The following CCDC90B variants were observed in gnomAD, a reference collection of about 807,000 sequenced individuals.
CCDC90B encodes the protein coiled-coil domain containing 90B, also known as coiled-coil domain-containing protein 90B, mitochondrial.
Under a neutral mutation model 37.0 loss-of-function variants are expected in CCDC90B, and 24 were observed. The ratio of observed to expected loss-of-function variants is 0.65; its 90% CI spans 0.47 to 0.91. The LOEUF (loss-of-function observed/expected upper bound fraction) is 0.91. CCDC90B is among the 40% of genes least tolerant of loss of function. The probability of loss-of-function intolerance (pLI) is 0.00; values close to 1 mark genes in which losing one functional copy is unlikely to be tolerated. For missense variants in CCDC90B, 319 were observed against 299.0 expected (o/e 1.07, Z -0.49); for synonymous variants, 113 against 101.1 (o/e 1.12, Z -0.71).
rs1178262559 is a variant in CCDC90B, at chr11:83,259,489, G to A, written c.*2422C>T. On this transcript the variant is annotated 3_prime_UTR_variant, in exon 9 of 9. Transcript: ENST00000529689. Reference sequence around the variant, plus strand: ...AACGCAGATCTATTTAATATTTAGTGGCTGTATAACCTGGGAATAAGTATA... The same window carrying A: ...AACGCAGATCTATTTAATATTTAGTAGCTGTATAACCTGGGAATAAGTATA... The A allele has an allele frequency of 6.6e-6, 1 of 152,158 alleles. No homozygotes were observed. Among genetic ancestry groups the A allele is most frequent in the African/African-American group, 2.4e-5 (1 of 41,426 alleles). 9.4% of individuals were successfully genotyped at this position (152,158 alleles called of 1,614,324 possible).
At chr11:83,274,513 A>T in intron 4 of CCDC90B, 126 bp downstream of exon 4, 1 of 551,686 alleles carries the variant, frequency 1.8e-6, no homozygotes, top group East Asian at 3.1e-5. Flanking sequence ...TATGTTTTTA[A>T]ATCTAAAAAC....
rs1341810725 is a variant in CCDC90B, at chr11:83,261,483, G to C, written c.*428C>G. 3 of 152,728 alleles carry C rather than the reference G, an allele frequency of 2.0e-5. No homozygotes were observed. The highest frequency in any genetic ancestry group is 7.2e-5 in the African/African-American group (3 of 41,450). 9.5% of individuals were successfully genotyped at this position (152,728 alleles called of 1,614,324 possible). ...TGTTGTAATAATCTTTCATTTTATA[G>C]AAAAATGTAATTATGCAATGGTTAT... On this transcript the variant is annotated 3_prime_UTR_variant, in exon 9 of 9. Transcript: ENST00000529689.
rs1210443210 is a variant in CCDC90B, at chr11:83,286,367, T to C, written c.-395A>G. 1.6e-6 allele frequency: 1 copy of C among 631,328 alleles called. No homozygotes were observed. Among genetic ancestry groups the C allele is most frequent in the East Asian group, 2.8e-5 (1 of 35,976 alleles). The allele number at this position is 631,328 out of a possible 1,614,324, so 39.1% of individuals were successfully genotyped here. A position where few individuals can be genotyped will look rare whatever the true frequency, so the allele number is the denominator to read the frequency against. The stretch of plus-strand genomic sequence containing the variant: ...GGGTCGGGGGAGATGGAGTCGCATT[T>C]AGCCGCACAGCAGCCTGGAACCTGA... On this transcript the variant is annotated 5_prime_UTR_variant, in exon 1 of 9. Transcript: ENST00000529689.
chr11:83,266,515 C>A (rs1364914547), intron 7 of CCDC90B, among the ~76,000 whole-genome samples: 2 of 152,244 alleles, frequency 1.3e-5, no homozygotes, highest in African/African-American at 4.8e-5. Flanking sequence ...GCACAGCAGT[C>A]TGAAATCGAA....
At chr11:83,269,413 C>G (rs942989704) in intron 7 of CCDC90B, among the ~76,000 whole-genome samples, 1 of 151,540 alleles carries the variant, frequency 6.6e-6, no homozygotes, top group African/African-American at 2.4e-5. Context: ...GACCACTAGC[C>G]AGACTAATAA....
At chr11:83,280,359 C>T (rs531256211) in intron 1 of CCDC90B, 99 bp from the exon 2 acceptor site, 1 of 1,066,978 alleles carries the variant, frequency 9.4e-7, no homozygotes, top group East Asian at 2.4e-5. Flanking sequence ...TAATATAGTT[C>T]CAGCTCTTCT....
chr11:83,259,808 A>C lies in CCDC90B; in HGVS notation c.*2103T>G, dbSNP rs1863849814. 6.6e-6 allele frequency: 1 copy of C among 152,254 alleles called. No homozygotes were observed. The highest frequency in any genetic ancestry group is 2.1e-4 in the South Asian group (1 of 4,834). 9.4% of individuals were successfully genotyped at this position (152,254 alleles called of 1,614,324 possible). ...GCCTCCCAAGCAGCTAGGACTATAG[A>C]TGTGTGCCACTGTGCTCAGCAAGAG... On this transcript the variant is annotated 3_prime_UTR_variant, in exon 9 of 9. Transcript: ENST00000529689.
chr11:83,259,641 G>A lies in CCDC90B; in HGVS notation c.*2270C>T, dbSNP rs139359729. On this transcript the variant is annotated 3_prime_UTR_variant, in exon 9 of 9. Coordinates refer to ENST00000529689, the MANE Select transcript of CCDC90B (RefSeq NM_021825.5). ...GGCCTAAAAAACACCTTTATTTGCT[G>A]ATAAAACTATTGGAGAAGTTTTTTT... 11 of 152,278 alleles carry A rather than the reference G, an allele frequency of 7.2e-5. No individual in the cohort carries two copies. The highest frequency in any genetic ancestry group is 2.6e-4 in the African/African-American group (11 of 41,546). 9.4% of individuals were successfully genotyped at this position (152,278 alleles called of 1,614,324 possible).
intron 8 of CCDC90B, among the ~76,000 whole-genome samples, chr11:83,265,602 C>T (rs1680698619): frequency 6.6e-6 from 1 of 152,166 alleles, no homozygotes. Flanking sequence ...CTGTCCAATA[C>T]TACACCCTAT....
chr11:83,278,650 A>G lies in CCDC90B; in HGVS notation c.324+76T>C. 5.3e-6 allele frequency: 5 copies of G among 940,116 alleles called. No individual in the cohort carries two copies. The South Asian group carries it at 7.4e-5, about 14-fold the overall frequency. The allele number at this position is 940,116 out of a possible 1,614,324, so 58.2% of individuals were successfully genotyped here. On this transcript the variant is annotated intron_variant, in intron 3 of 8. Coordinates refer to ENST00000529689, the MANE Select transcript of CCDC90B (RefSeq NM_021825.5). ...AAGATATAAGCATGTTTGGAAGGTC[A>G]GTAGGTAGACAGAGACATAGTTATG... is the stretch of plus-strand genomic sequence containing the variant.
chr11:83,264,291 T>G (rs1302774901), intron 8 of CCDC90B, among the ~76,000 whole-genome samples: 1 of 152,180 alleles, frequency 6.6e-6, no homozygotes, highest in Non-Finnish European at 1.5e-5. Flanking sequence ...AATAGGACAT[T>G]TGGTTAAACT....
In CCDC90B at chr11:83,285,981, A is replaced by C. The variant is rs201069549; in HGVS notation, c.-9T>G. On this transcript the variant is annotated 5_prime_UTR_variant, in exon 1 of 9. Transcript: ENST00000529689. ...GCCTGGCGACTATTCATGTCCTCAG[A>C]GTTTTCCGGTGGGAGGGAGGCGGAA... 6.2e-7 allele frequency: 1 copy of C among 1,606,638 alleles called. No homozygotes were observed. The highest frequency in any genetic ancestry group is 8.5e-7 in the Non-Finnish European group (1 of 1,176,498).
chr11:83,263,446 T>C (rs1864049347), intron 8 of CCDC90B, among the ~76,000 whole-genome samples: 1 of 152,234 alleles, frequency 6.6e-6, no homozygotes, highest in South Asian at 2.1e-4. Context: ...CTCTATACCC[T>C]GTCTAGGGAG....
In CCDC90B at chr11:83,273,932, A is replaced by G. The variant is rs1248813182; in HGVS notation, c.468+19T>C. On this transcript the variant is annotated intron_variant, in intron 5 of 8. Transcript: ENST00000529689. ...AATATTTGTTCTGAAATTAACAGCT[A>G]GAAAAAAAATTCACTTACCATTAGT... 4 of 1,590,226 alleles carry G rather than the reference A, an allele frequency of 2.5e-6. No individual in the cohort carries two copies. Among genetic ancestry groups the G allele is most frequent in the Middle Eastern group, 1.7e-4 (1 of 5,920 alleles).
intron 8 of CCDC90B, among the ~76,000 whole-genome samples, chr11:83,263,892 G>A (rs1864081198): frequency 6.6e-6 from 1 of 152,146 alleles, no homozygotes; most frequent in African/African-American, 2.4e-5. Context: ...TGATGGCTGG[G>A]GGCTCCATCT....
At chr11:83,278,686 C>T (rs775512473) in intron 3 of CCDC90B, 40 bp downstream of exon 3, 1 of 1,275,856 alleles carries the variant, frequency 7.8e-7, no homozygotes, top group Non-Finnish European at 1.1e-6. Context: ...AAATGATTGT[C>T]TAATGAAAGT....
intron 7 of CCDC90B, among the ~76,000 whole-genome samples, chr11:83,266,272 G>T (rs546159901): frequency 2.0e-5 from 3 of 152,160 alleles, no homozygotes; most frequent in African/African-American, 7.2e-5. Flanking sequence ...TGGGTGCAGC[G>T]CACGGAGGGT....
intron 1 of CCDC90B, among the ~76,000 whole-genome samples, chr11:83,284,338 C>T (rs1865558573): frequency 6.6e-6 from 1 of 152,200 alleles, no homozygotes; most frequent in African/African-American, 2.4e-5. Context: ...ACCAAGCAAA[C>T]ATGTAAAGTG....
intron 2 of CCDC90B, 87 bp downstream of exon 2, chr11:83,280,054 T>A: frequency 7.6e-7 from 1 of 1,324,012 alleles, no homozygotes; most frequent in Non-Finnish European, 1.0e-6. Context: ...TAGTTACTTT[T>A]GATTGTTCAT....
Sources: allele counts gnomAD v4.1 joint callset (sites outside exome capture counted in the v4.1 genomes callset), GRCh38; gene constraint gnomAD v4.1.1; transcripts MANE v1.5; gene names NCBI Gene and HGNC (gene_info 2026-07-23, HGNC 2026-07-21).